Variants in CLMP observed in about 807,000 individuals in gnomAD.
CLMP encodes CXADR like cell adhesion molecule, also known as CXADR-like membrane protein.
CLMP carries 27 observed loss-of-function variants against 45.2 expected under a neutral mutation model. The ratio of observed to expected loss-of-function variants is 0.60; its 90% CI spans 0.44 to 0.82. The LOEUF (loss-of-function observed/expected upper bound fraction) is 0.82, where lower values mean the gene tolerates loss of function less well. Among genes scored for constraint, CLMP ranks in the 40% least tolerant of loss-of-function variants. The pLI is 0.00. For missense variants in CLMP, 403 were observed against 448.4 expected (o/e 0.90, Z 0.91); for synonymous variants, 167 against 171.4 (o/e 0.97, Z 0.20).
chr11:123,191,713 G>C (rs12417318), intron 1 of CLMP, among the ~76,000 whole-genome samples: 2,538 of 152,296 alleles, frequency 0.017, 119 homozygotes, highest in Admixed American at 0.093. Flanking sequence ...TCAAAGGTTA[G>C]TGATCTTCCA....
intron 2 of CLMP, among the ~76,000 whole-genome samples, chr11:123,091,729 G>A (rs1865934396): frequency 6.6e-6 from 1 of 152,192 alleles, no homozygotes; most frequent in African/African-American, 2.4e-5. Context: ...CTGGAGTGCT[G>A]TGCAGGCCTG....
chr11:123,125,535 C>CCCTTCCCTTCCCTT (rs1565390082), intron 1 of CLMP, among the ~76,000 whole-genome samples: 6 of 68,128 alleles, frequency 8.8e-5, no homozygotes, highest in East Asian at 1.1e-3. Context: ...TCCCTTCCCT[C>CCCTTCCCTTCCCTT]CCCTTCCCTC....
At chr11:123,106,383 G>GTA (rs1565383886) in intron 1 of CLMP, among the ~76,000 whole-genome samples, 65 of 73,638 alleles carry the variant, frequency 8.8e-4, no homozygotes, top group African/African-American at 4.4e-3. Flanking sequence ...TCTGTAGGAG[G>GTA]TGTGTGTGTG....
rs770277098 is a variant in CLMP at position 123,097,800 on chromosome 11, T to C, written c.181A>G (p.Lys61Glu). Residue 61 changes from lysine (K) to glutamate (E), a missense_variant, in exon 2 of 7, where the codon AAA (lysine) becomes GAA (glutamate). Transcript: ENST00000448775. ...CCAGCCAGGTGTCTACTTACCACTT[T>C]TTGGTTCCCTTCATTATCGGTGAGC... Reference protein sequence around the residue: ...WLLTDNEGNQKVVITYSSRHV... With the variant: ...WLLTDNEGNQEVVITYSSRHV... 6.3e-7 allele frequency: 1 copy of C among 1,589,980 alleles called. No individual in the cohort carries two copies.
chr11:123,147,641 A>G (rs1861257872), intron 1 of CLMP, among the ~76,000 whole-genome samples: 2 of 152,018 alleles, frequency 1.3e-5, no homozygotes. Context: ...CACACTGTGT[A>G]TTGTGATGCC....
At chr11:123,181,483 T>A (rs370643712) in intron 1 of CLMP, among the ~76,000 whole-genome samples, 1 of 152,216 alleles carries the variant, frequency 6.6e-6, no homozygotes, top group East Asian at 1.9e-4. Context: ...TCCCTTACTA[T>A]CTTTTCCCAA....
intron 1 of CLMP, among the ~76,000 whole-genome samples, chr11:123,150,797 A>G (rs1040790505): frequency 2.0e-5 from 3 of 152,066 alleles, no homozygotes; most frequent in Non-Finnish European, 4.4e-5. Context: ...GCTCACTGCA[A>G]CCTCTGCCTT....
intron 1 of CLMP, among the ~76,000 whole-genome samples, chr11:123,131,343 A>C (rs1860985896): frequency 6.6e-6 from 1 of 152,176 alleles, no homozygotes; most frequent in African/African-American, 2.4e-5. Context: ...ATACAGAAAA[A>C]AAAGAAAAAA....
chr11:123,165,636 C>T (rs972956052), intron 1 of CLMP, among the ~76,000 whole-genome samples: 1 of 152,152 alleles, frequency 6.6e-6, no homozygotes, highest in Non-Finnish European at 1.5e-5. Context: ...AAAAGCTTTC[C>T]TCTTTTTAGC....
chr11:123,111,563 T>C (rs1860638801), intron 1 of CLMP, among the ~76,000 whole-genome samples: 1 of 152,216 alleles, frequency 6.6e-6, no homozygotes, highest in South Asian at 2.1e-4. Flanking sequence ...TTTCTGTTGC[T>C]CTTTTAATCC....
chr11:123,085,629 C>T (rs1275577798), intron 2 of CLMP, among the ~76,000 whole-genome samples: 1 of 151,052 alleles, frequency 6.6e-6, no homozygotes, highest in Non-Finnish European at 1.5e-5. Flanking sequence ...TTACAGTACT[C>T]CTGCACAATT....
intron 2 of CLMP, among the ~76,000 whole-genome samples, chr11:123,087,244 G>A (rs1266705786): frequency 2.0e-5 from 3 of 152,176 alleles, no homozygotes; most frequent in Admixed American, 2.0e-4. Context: ...GGCTGAGGCA[G>A]GAGAATTGCT....
At chr11:123,121,599 G>A (rs902967401) in intron 1 of CLMP, among the ~76,000 whole-genome samples, 1 of 151,870 alleles carries the variant, frequency 6.6e-6, no homozygotes, top group African/African-American at 2.4e-5. Flanking sequence ...CACCTGGCCA[G>A]AGAAAAATTT....
At chr11:123,094,656 C>A (rs1281620991) in intron 2 of CLMP, among the ~76,000 whole-genome samples, 1 of 152,152 alleles carries the variant, frequency 6.6e-6, no homozygotes, top group East Asian at 1.9e-4. Flanking sequence ...CTCAACCTCC[C>A]GAGTAGCTGG....
chr11:123,166,247 T>A (rs1415126214), intron 1 of CLMP, among the ~76,000 whole-genome samples: 2 of 152,214 alleles, frequency 1.3e-5, no homozygotes, highest in Admixed American at 6.5e-5. Context: ...TAGTAGTTAC[T>A]GTGGGCATCC....
chr11:123,099,037 A>G (rs1001496768), intron 1 of CLMP, among the ~76,000 whole-genome samples: 2 of 151,958 alleles, frequency 1.3e-5, no homozygotes, highest in Non-Finnish European at 2.9e-5. Context: ...CTCTGTTATT[A>G]TGCCAGGTCC....
At chr11:123,073,879 C>T (rs1865704149) in intron 6 of CLMP, 105 bp from the exon 7 acceptor site, 1 of 1,185,586 alleles carries the variant, frequency 8.4e-7, no homozygotes, top group South Asian at 1.5e-5. Flanking sequence ...CAGATAATAC[C>T]ATCGGAAGGC....
rs1392920012 is a variant in CLMP, at chr11:123,195,106, T to C, written c.-166A>G. 3 of 393,592 alleles carry C rather than the reference T, an allele frequency of 7.6e-6. No individual in the cohort carries two copies. Among genetic ancestry groups the C allele is most frequent in the Admixed American group, 5.0e-5 (1 of 20,092 alleles). The allele number at this position is 393,592 out of a possible 1,614,324, so 24.4% of individuals were successfully genotyped here. A position where few individuals can be genotyped will look rare whatever the true frequency, so the allele number is the denominator to read the frequency against. The stretch of plus-strand genomic sequence containing the variant: ...GAGCCGGCCCCGCGCCCCGTGCCCC[T>C]GGGGGCAGATGGGCTCCCGGCGCTC... On this transcript the variant is annotated 5_prime_UTR_variant, in exon 1 of 7. Transcript: ENST00000448775.
At chr11:123,098,008 G>A in intron 1 of CLMP, 56 bp from the exon 2 acceptor site, 2 of 1,358,240 alleles carry the variant, frequency 1.5e-6, no homozygotes, top group Non-Finnish European at 9.8e-7. Flanking sequence ...AATGTGTGGG[G>A]AGCAAATATG....
Sources: allele counts gnomAD v4.1 joint callset (sites outside exome capture counted in the v4.1 genomes callset), GRCh38; gene constraint gnomAD v4.1.1; transcripts MANE v1.5; gene names NCBI Gene and HGNC (gene_info 2026-07-23, HGNC 2026-07-21).